Variants in PSME4 observed in about 807,000 individuals in gnomAD.
PSME4 encodes proteasome activator subunit 4.
In PSME4, 89 loss-of-function variants were observed where a neutral mutation model predicts 253.9. That is an observed-to-expected ratio of 0.35 (90% CI 0.30 to 0.42). The LOEUF (loss-of-function observed/expected upper bound fraction) is 0.42. Ranked by LOEUF, PSME4 falls within the 10% of genes least tolerant of loss-of-function variation. PSME4 has a pLI of 1.00. For synonymous variants in PSME4, 851 were observed against 759.2 expected, an observed-to-expected ratio of 1.12 and a Z score of -1.99; for missense variants, 2,014 against 2,195.2, an observed-to-expected ratio of 0.92 and a Z score of 1.65.
At position 53,943,717 on chromosome 2, in the gene PSME4, C is replaced by T. The variant is rs186335891; in HGVS notation, c.501-3717G>A. On this transcript the variant is annotated intron_variant, in intron 3 of 46. Transcript: ENST00000404125. ...ATTAGCTGGGTGTGGTGGCGCACAC[C>T]TGTAATCCCAGCTACTCAGGAGACT... is the stretch of plus-strand genomic sequence containing the variant. Among the ~76,000 whole-genome samples the T allele has an allele frequency of 1.1e-4, 16 of 151,886 alleles. No individual in the cohort carries two copies. In the East Asian group the frequency reaches 2.9e-3, roughly 28 times the overall value.
chr2:53,937,551 AAG>A lies in PSME4; in HGVS notation c.546-13_546-12del. The stretch of plus-strand genomic sequence containing the variant: ...TCTGCTGGAAAATATCTAATAAAAA[AAG>A]AAGGTTTTCATGTATCTGATTATTG... On this transcript the variant is annotated splice_polypyrimidine_tract_variant and intron_variant, in intron 4 of 46. Coordinates refer to ENST00000404125, the MANE Select transcript of PSME4 (RefSeq NM_014614.3). 1 of 1,608,252 alleles carries A rather than the reference AAG, an allele frequency of 6.2e-7. No homozygotes were observed.
At chr2:53,887,563 A>G (rs938314504) in intron 39 of PSME4, 96 bp from the exon 40 acceptor site, 4 of 1,151,814 alleles carry the variant, frequency 3.5e-6, no homozygotes, top group Non-Finnish European at 4.9e-6. Context: ...AACTGTCCCA[A>G]GACAATTCCT....
intron 1 of PSME4, among the ~76,000 whole-genome samples, chr2:53,968,436 A>G (rs1022281243): frequency 3.3e-5 from 5 of 152,148 alleles, no homozygotes; most frequent in African/African-American, 1.2e-4. Context: ...ACTAAATATG[A>G]TCACCACTCA....
chr2:53,882,656 A>G (rs1313393939), intron 41 of PSME4, among the ~76,000 whole-genome samples: 2 of 152,190 alleles, frequency 1.3e-5, no homozygotes, highest in African/African-American at 4.8e-5. Flanking sequence ...CACGCTGTTA[A>G]TGACTCCACT....
chr2:53,923,162 T>C (rs779552880), intron 15 of PSME4, 44 bp from the exon 16 acceptor site: 1 of 1,532,510 alleles, frequency 6.5e-7, no homozygotes, highest in South Asian at 1.2e-5. Context: ...GAAAGGCAAA[T>C]ATATACAAGA....
intron 20 of PSME4, 68 bp from the exon 21 acceptor site, chr2:53,910,198 C>A (rs1667767991): frequency 7.8e-7 from 1 of 1,286,714 alleles, no homozygotes; most frequent in Non-Finnish European, 1.1e-6. Context: ...GGAAAAGTTT[C>A]ATTGCTGGAC....
intron 1 of PSME4, among the ~76,000 whole-genome samples, chr2:53,951,210 G>T (rs991914476): frequency 4.6e-5 from 7 of 152,082 alleles, no homozygotes; most frequent in African/African-American, 1.7e-4. Context: ...AGCCTCCCCA[G>T]TAGCTGGGAT....
chr2:53,940,808 A>T (rs935503111), intron 3 of PSME4, among the ~76,000 whole-genome samples: 9 of 146,854 alleles, frequency 6.1e-5, no homozygotes, highest in African/African-American at 2.2e-4. Flanking sequence ...TTACAGTATG[A>T]TATGTACAAG....
In PSME4 at chr2:53,904,038, T is replaced by C. The variant is rs201812923; in HGVS notation, c.3062A>G (p.Gln1021Arg). 9 of 1,607,636 alleles carry C rather than the reference T, an allele frequency of 5.6e-6. No homozygotes were observed. In the African/African-American group the frequency reaches 1.2e-4, roughly 22 times the overall value. ...AAAACCCTATACCTTGAATTGTTGC[T>C]GTGTAACACCTTGTCTATCAGGCCT... Reference protein sequence around the residue: ...FLRPDRQGVTQQQFKGALYCL... With the variant: ...FLRPDRQGVTRQQFKGALYCL... Residue 1021 changes from glutamine (Q) to arginine (R), a missense_variant, in exon 27 of 47, where the codon CAG becomes CGG. By Grantham distance (43) the Gln-to-Arg change is conservative (BLOSUM62 1). This residue lies in a region of PSME4 where 989 missense variants were observed against 1,021.1 expected (regional missense o/e 0.97). Coordinates refer to ENST00000404125, the MANE Select transcript of PSME4 (RefSeq NM_014614.3).
chr2:53,873,057 G>A (rs1005336165), intron 43 of PSME4, among the ~76,000 whole-genome samples: 10 of 151,594 alleles, frequency 6.6e-5, no homozygotes, highest in Non-Finnish European at 1.0e-4. Context: ...TGGCTAACAT[G>A]GTGAAACCCC....
chr2:53,955,917 TC>T (rs1348737734), intron 1 of PSME4, among the ~76,000 whole-genome samples: 1 of 151,528 alleles, frequency 6.6e-6, no homozygotes, highest in African/African-American at 2.4e-5. Flanking sequence ...GAGACCTTAG[TC>T]CCCAAAAAAA....
chr2:53,944,914 G>GA (rs1239305538), intron 3 of PSME4, among the ~76,000 whole-genome samples: 2 of 151,858 alleles, frequency 1.3e-5, no homozygotes, highest in Non-Finnish European at 2.9e-5. Context: ...AGATTAATAT[G>GA]AAAAAAATGA....
intron 30 of PSME4, 67 bp from the exon 31 acceptor site, chr2:53,898,066 T>G (rs1180744642): frequency 8.6e-6 from 13 of 1,503,166 alleles, no homozygotes; most frequent in Non-Finnish European, 1.2e-5. Context: ...AAACTGTATG[T>G]GAAACACCTT....
At chr2:53,920,392 A>AAAC (rs760410897) in intron 18 of PSME4, 42 bp from the exon 19 acceptor site, 3 of 1,520,496 alleles carry the variant, frequency 2.0e-6, no homozygotes, top group African/African-American at 2.8e-5. Flanking sequence ...GAGAAATTAA[A>AAAC]AACAACAACA....
Position 53,893,785 on chromosome 2 carries a change from T to C in PSME4, c.3927A>G (p.Ile1309Met). ...REDMTEAEQI[I>M]FDHFSDPKFV... is the part of the protein sequence containing the mutation. The stretch of plus-strand genomic sequence containing the variant: ...ATTTAGGATCAGAAAAATGATCAAA[T>C]ATAATCTGTTCTGCCTATAAAGTTA... Residue 1309 changes from isoleucine to methionine, a missense_variant, in exon 35 of 47, where the codon ATA becomes ATG. Coordinates refer to ENST00000404125, the MANE Select transcript of PSME4 (RefSeq NM_014614.3). The C allele has an allele frequency of 6.2e-7, 1 of 1,608,642 alleles. No homozygotes were observed. The highest frequency in any genetic ancestry group is 8.5e-7 in the Non-Finnish European group (1 of 1,177,378).
At chr2:53,890,418 C>T (rs1269092593) in intron 36 of PSME4, among the ~76,000 whole-genome samples, 1 of 152,162 alleles carries the variant, frequency 6.6e-6, no homozygotes, top group Non-Finnish European at 1.5e-5. Flanking sequence ...GTGATCCACT[C>T]GCTTCAGCCT....
chr2:53,962,217 G>T (rs958084142), intron 1 of PSME4, among the ~76,000 whole-genome samples: 93 of 152,250 alleles, frequency 6.1e-4, no homozygotes, highest in African/African-American at 2.1e-3. Context: ...TGTAAGAGAA[G>T]TTACTATTTA....
chr2:53,968,290 A>AG (rs1176256909), intron 1 of PSME4, among the ~76,000 whole-genome samples: 2 of 152,048 alleles, frequency 1.3e-5, no homozygotes, highest in African/African-American at 2.4e-5. Context: ...AAAAAAAAAA[A>AG]AGAATTATTT....
rs139225196 is a variant in PSME4, at chr2:53,924,395, A to G, written c.1810-976T>C. Among the ~76,000 whole-genome samples, 83 of 152,346 alleles carry G rather than the reference A, an allele frequency of 5.4e-4. No individual in the cohort carries two copies. In the East Asian group the frequency reaches 0.015, roughly 28 times the overall value. ...TGGGAGAAGAAACAGAAATGAAAAT[A>G]AAGTGTAGTCTTAAAGGCTACAGAT... On this transcript the variant is annotated intron_variant, in intron 14 of 46. Coordinates refer to ENST00000404125, the MANE Select transcript of PSME4 (RefSeq NM_014614.3).
Sources: gnomAD v4.1 joint callset for allele counts (sites outside exome capture counted in the v4.1 genomes callset) on GRCh38, gnomAD v4.1.1 for gene constraint, gnomAD v4.1.1 regional missense constraint, MANE v1.5 for transcripts, NCBI Gene and HGNC (gene_info 2026-07-23, HGNC 2026-07-21) for gene names.